Variants in TPD52L1 observed in about 807,000 individuals in gnomAD.
TPD52L1 encodes the protein tumor protein D53.
TPD52L1 carries 18 observed loss-of-function variants against 28.7 expected under a neutral mutation model. The ratio of observed to expected loss-of-function variants is 0.63; its 90% confidence interval spans 0.43 to 0.93. The LOEUF is 0.93. Among genes scored for constraint, TPD52L1 ranks in the 40% least tolerant of loss-of-function variants. The pLI is 0.00. For missense variants in TPD52L1, 203 were observed against 254.8 expected, an observed-to-expected ratio of 0.80 and a Z score of 1.39; for synonymous variants, 75 against 88.8, an observed-to-expected ratio of 0.84 and a Z score of 0.88.
At chr6:125,207,487 G>T (rs1265496957) in intron 1 of TPD52L1, among the ~76,000 whole-genome samples, 1 of 152,200 alleles carries the variant, frequency 6.6e-6, no homozygotes, top group Non-Finnish European at 1.5e-5. Flanking sequence ...GACACTGATG[G>T]TCTTTTTTCT....
At chr6:125,183,854 A>C (rs77517056) in intron 1 of TPD52L1, among the ~76,000 whole-genome samples, 9,099 of 152,298 alleles carry the variant, frequency 0.06, 346 homozygotes, top group Middle Eastern at 0.095. Flanking sequence ...GTGATTGGGA[A>C]TGTATACGAT....
chr6:125,256,428 A>C (rs970437593), intron 5 of TPD52L1, among the ~76,000 whole-genome samples: 2 of 152,206 alleles, frequency 1.3e-5, no homozygotes, highest in Admixed American at 1.3e-4. Context: ...TGAGAGGAAA[A>C]ATAACGCATG....
chr6:125,156,689 A>G (rs1055760440), intron 1 of TPD52L1, among the ~76,000 whole-genome samples: 1 of 152,104 alleles, frequency 6.6e-6, no homozygotes, highest in African/African-American at 2.4e-5. Flanking sequence ...GGATCACCTG[A>G]GCCCAGCAGG....
intron 6 of TPD52L1, among the ~76,000 whole-genome samples, chr6:125,259,468 T>A (rs1267674157): frequency 6.6e-6 from 1 of 152,226 alleles, no homozygotes; most frequent in Non-Finnish European, 1.5e-5. Context: ...TACAATGTAT[T>A]ACTTGACACT....
At chr6:125,158,577 TAAG>T (rs1790299284) in intron 1 of TPD52L1, among the ~76,000 whole-genome samples, 1 of 149,184 alleles carries the variant, frequency 6.7e-6, no homozygotes, top group Non-Finnish European at 1.5e-5. Context: ...TAAATGAGGA[TAAG>T]AAGAGAAAAG....
chr6:125,222,072 A>T (rs147795545), intron 2 of TPD52L1: 32 of 152,258 alleles, frequency 2.1e-4, no homozygotes, highest in African/African-American at 7.7e-4. Flanking sequence ...CCTCTGCTTT[A>T]TGCTCATTCT....
intron 1 of TPD52L1, among the ~76,000 whole-genome samples, chr6:125,169,559 C>A (rs1288242561): frequency 6.6e-6 from 1 of 152,160 alleles, no homozygotes; most frequent in Non-Finnish European, 1.5e-5. Context: ...CACGGTTTAG[C>A]TTTGTTTTCC....
chr6:125,236,128 G>A (rs543679940), intron 3 of TPD52L1, among the ~76,000 whole-genome samples: 61 of 152,064 alleles, frequency 4.0e-4, no homozygotes, highest in African/African-American at 1.3e-3. Flanking sequence ...AACTCTTTTG[G>A]GCCTCAGTTT....
chr6:125,203,338 C>T (rs1009028991), intron 1 of TPD52L1, among the ~76,000 whole-genome samples: 2 of 151,886 alleles, frequency 1.3e-5, no homozygotes, highest in East Asian at 3.8e-4. Flanking sequence ...TTTTCCTTCC[C>T]AAATTTGTGG....
chr6:125,226,199 A>G (rs1795598916), intron 2 of TPD52L1, among the ~76,000 whole-genome samples: 1 of 152,190 alleles, frequency 6.6e-6, no homozygotes, highest in South Asian at 2.1e-4. Flanking sequence ...TTTATATTGC[A>G]TTGAAATGGT....
At chr6:125,219,891 T>C (rs764378854) in intron 1 of TPD52L1, 187 bp from the exon 2 acceptor site, 8 of 630,708 alleles carry the variant, frequency 1.3e-5, no homozygotes, top group Non-Finnish European at 5.7e-6. Context: ...TTTTTTTGGC[T>C]TCTTGGTATT....
At chr6:125,213,609 A>G (rs886148235) in intron 1 of TPD52L1, among the ~76,000 whole-genome samples, 2 of 152,076 alleles carry the variant, frequency 1.3e-5, no homozygotes, top group African/African-American at 4.8e-5. Flanking sequence ...ACTTCTTGCC[A>G]AGTTGGTGAG....
At chr6:125,235,457 G>A (rs73579721) in intron 3 of TPD52L1, among the ~76,000 whole-genome samples, 12,478 of 152,136 alleles carry the variant, frequency 0.082, 1,399 homozygotes, top group African/African-American at 0.25. Flanking sequence ...ATGATTTAAG[G>A]AAGTTTATGA....
rs528655447 is a variant in TPD52L1 at position 125,204,500 on chromosome 6, G to A, written c.20-15578G>A. Among the ~76,000 whole-genome samples, 7 of 149,622 alleles carry A rather than the reference G, an allele frequency of 4.7e-5. No individual in the cohort carries two copies. The South Asian group carries it at 1.3e-3, about 27-fold the overall frequency. ...GATTTTTTATTTTTATTTTTTTTTC[G>A]ACGGAGTCTCACTCTGTCGCCCAGG... On this transcript the variant is annotated intron_variant, in intron 1 of 6. Coordinates refer to ENST00000534000, the MANE Select transcript of TPD52L1 (RefSeq NM_003287.4).
chr6:125,235,260 G>A (rs895809614), intron 3 of TPD52L1, among the ~76,000 whole-genome samples: 1 of 151,860 alleles, frequency 6.6e-6, no homozygotes, highest in South Asian at 2.1e-4. Context: ...GCAGCATAAG[G>A]TTACAGGGCC....
At chr6:125,254,201 A>T (rs1184872761) in intron 5 of TPD52L1, among the ~76,000 whole-genome samples, 1 of 152,248 alleles carries the variant, frequency 6.6e-6, no homozygotes, top group Non-Finnish European at 1.5e-5. Context: ...AGAGGATATC[A>T]TTAGGATTTT....
chr6:125,175,339 TAAGAA>T (rs1791756291), intron 1 of TPD52L1, among the ~76,000 whole-genome samples: 1 of 152,200 alleles, frequency 6.6e-6, no homozygotes, highest in African/African-American at 2.4e-5. Flanking sequence ...TCAACTTTTA[TAAGAA>T]ATGAATAGTT....
rs986414636 is a variant in TPD52L1, at chr6:125,248,346, G to A, written c.349G>A (p.Val117Ile). The A allele has an allele frequency of 3.1e-6, 5 of 1,614,160 alleles. No homozygotes were observed. Among genetic ancestry groups the A allele is most frequent in the Non-Finnish European group, 3.4e-6 (4 of 1,180,010 alleles). ...AAAGGCAACTGCAGCTTTCAGCAAC[G>A]TTGGAACGGCCATCAGCAAGAAGTT... Reference protein sequence around the residue: ...GQKATAAFSNVGTAISKKFGD... With the variant: ...GQKATAAFSNIGTAISKKFGD... Residue 117 changes from valine to isoleucine, a missense_variant, in exon 4 of 7, where the codon GTT becomes ATT. Physicochemically the swap from Val to Ile is conservative, Grantham distance 29 (BLOSUM62 3). Coordinates refer to ENST00000534000, the MANE Select transcript of TPD52L1 (RefSeq NM_003287.4).
At chr6:125,227,836 T>G (rs906942644) in intron 2 of TPD52L1, among the ~76,000 whole-genome samples, 5 of 152,222 alleles carry the variant, frequency 3.3e-5, no homozygotes, top group African/African-American at 1.2e-4. Context: ...GAAATTGCAT[T>G]TGCAAGAGCA....
Sources: gnomAD v4.1 joint callset for allele counts (sites outside exome capture counted in the v4.1 genomes callset) on GRCh38, gnomAD v4.1.1 for gene constraint, MANE v1.5 for transcripts, NCBI Gene and HGNC (gene_info 2026-07-23, HGNC 2026-07-21) for gene names.